PARN: variants seen among roughly 807,000 people sequenced by gnomAD.
The protein encoded by PARN is poly(A)-specific ribonuclease.
In PARN, 71 loss-of-function variants were observed where a neutral mutation model predicts 102.8. The ratio of observed to expected loss-of-function variants is 0.69; its 90% CI spans 0.57 to 0.84. The LOEUF (loss-of-function observed/expected upper bound fraction) is 0.84. Among genes scored for constraint, PARN ranks in the 40% least tolerant of loss-of-function variants. The pLI is 0.00. For synonymous variants in PARN, 261 were observed against 252.9 expected (o/e 1.03, Z -0.30); for missense variants, 782 against 760.9 (o/e 1.03, Z -0.33).
At chr16:14,491,459 T>A (rs1964053386) in intron 21 of PARN, among the ~76,000 whole-genome samples, 1 of 152,024 alleles carries the variant, frequency 6.6e-6, no homozygotes, top group South Asian at 2.1e-4. Flanking sequence ...CAACATATGA[T>A]CATAGGAAGA....
At chr16:14,595,627 G>A (rs1416887669) in intron 12 of PARN, among the ~76,000 whole-genome samples, 1 of 151,886 alleles carries the variant, frequency 6.6e-6, no homozygotes, top group Non-Finnish European at 1.5e-5. Context: ...CTGCCTTCCA[G>A]GTTCAAGAGA....
At chr16:14,524,920 T>C (rs1965917824) in intron 21 of PARN, among the ~76,000 whole-genome samples, 1 of 152,216 alleles carries the variant, frequency 6.6e-6, no homozygotes, top group Non-Finnish European at 1.5e-5. Flanking sequence ...CTCTTTTAAA[T>C]ATTATAGTCC....
In PARN at chr16:14,517,827, C is replaced by T. The variant is rs376040733; in HGVS notation, c.1480+34194G>A. The stretch of plus-strand genomic sequence containing the variant: ...CTGAGTAGCTGGGATTACAGGTGTG[C>T]GCCACCACACCCAGCTAATTTTTTT... On this transcript the variant is annotated intron_variant, in intron 21 of 23. Transcript: ENST00000437198. 5.9e-5 allele frequency among the ~76,000 whole-genome samples: 9 copies of T among 151,984 alleles called. No individual in the cohort carries two copies. In the East Asian group the frequency reaches 1.2e-3, roughly 20 times the overall value.
At position 14,589,656 on chromosome 16, in the gene PARN, A is replaced by T. The variant is rs192466288; in HGVS notation, c.919-3295T>A. ...CCAGGCAGGCGGATCACCTAAGGTC[A>T]GGAATTCGAGACCGGCCTGGCCAAC... is the stretch of plus-strand genomic sequence containing the variant. On this transcript the variant is annotated intron_variant, in intron 13 of 23. Coordinates refer to ENST00000437198, the MANE Select transcript of PARN (RefSeq NM_002582.4). Among the ~76,000 whole-genome samples, 16 of 152,232 alleles carry T rather than the reference A, an allele frequency of 1.1e-4. No homozygotes were observed. The East Asian group carries it at 3.1e-3, about 29-fold the overall frequency.
chr16:14,451,843 T>TAAAAAAAAAAAAAAAAAAAAAAAAA (rs1184998225), intron 22 of PARN, among the ~76,000 whole-genome samples: 2 of 54,618 alleles, frequency 3.7e-5, no homozygotes, highest in African/African-American at 6.5e-5. Context: ...ACCCCGTCTC[T>TAAAAAAAAAAAAAAAAAAAAAAAAA]AAAAAAAAAA....
intron 18 of PARN, among the ~76,000 whole-genome samples, chr16:14,557,111 T>A (rs1166638473): frequency 6.6e-6 from 1 of 152,208 alleles, no homozygotes; most frequent in Admixed American, 6.5e-5. Flanking sequence ...GTGTGTAAGA[T>A]TATTTTAATG....
rs115159919 is a variant in PARN at position 14,588,930 on chromosome 16, A to T, written c.919-2569T>A. 8.3e-3 allele frequency among the ~76,000 whole-genome samples: 1,258 copies of T among 152,084 alleles called. 22 individuals are homozygous for T. The highest frequency in any genetic ancestry group is 0.028 in the African/African-American group (1,180 of 41,466). On this transcript the variant is annotated intron_variant, in intron 13 of 23. Transcript: ENST00000437198. ...CGTGGTGGCTCACACCTGTAATCCC[A>T]GAGCATTGGGAGGCCAAAGCAGGTG...
At chr16:14,535,855 T>C (rs1966585058) in intron 21 of PARN, among the ~76,000 whole-genome samples, 1 of 152,182 alleles carries the variant, frequency 6.6e-6, no homozygotes, top group Non-Finnish European at 1.5e-5. Flanking sequence ...TTTCATACCA[T>C]CTCCAGCTTC....
chr16:14,559,789 C>CT, intron 18 of PARN, among the ~76,000 whole-genome samples: 1 of 152,324 alleles, frequency 6.6e-6, no homozygotes, highest in South Asian at 2.1e-4. Flanking sequence ...CCTATACCTT[C>CT]ACCTTCACAT....
intron 21 of PARN, among the ~76,000 whole-genome samples, chr16:14,551,562 A>G (rs966433727): frequency 6.6e-6 from 1 of 152,098 alleles, no homozygotes; most frequent in Non-Finnish European, 1.5e-5. Flanking sequence ...GAGCGAGACT[A>G]TGTCTCAAAA....
chr16:14,509,104 C>G (rs1338130268), intron 21 of PARN, among the ~76,000 whole-genome samples: 1 of 152,032 alleles, frequency 6.6e-6, no homozygotes, highest in African/African-American at 2.4e-5. Flanking sequence ...AAAGACGCCC[C>G]TTTGCAATGA....
chr16:14,615,196 T>C (rs962553547), intron 6 of PARN, among the ~76,000 whole-genome samples: 1 of 152,008 alleles, frequency 6.6e-6, no homozygotes, highest in Non-Finnish European at 1.5e-5. Context: ...CTTGGTAGTA[T>C]GGATGACCTG....
intron 5 of PARN, among the ~76,000 whole-genome samples, chr16:14,624,865 A>G (rs1326428807): frequency 1.3e-5 from 2 of 152,106 alleles, no homozygotes; most frequent in Non-Finnish European, 1.5e-5. Flanking sequence ...CAGCCTGACC[A>G]ACATGGAAAA....
chr16:14,500,746 GA>G (rs924510113), intron 21 of PARN, among the ~76,000 whole-genome samples: 14 of 150,958 alleles, frequency 9.3e-5, no homozygotes, highest in Non-Finnish European at 1.6e-4. Flanking sequence ...TTTGATGGAG[GA>G]AAAAAAAAGT....
At chr16:14,599,644 G>A (rs974033937) in intron 12 of PARN, among the ~76,000 whole-genome samples, 3 of 151,952 alleles carry the variant, frequency 2.0e-5, no homozygotes, top group African/African-American at 7.3e-5. Flanking sequence ...TTTCCATGTA[G>A]CCATATAAGG....
At chr16:14,453,795 A>C (rs1201712066) in intron 22 of PARN, among the ~76,000 whole-genome samples, 1 of 152,204 alleles carries the variant, frequency 6.6e-6, no homozygotes, top group African/African-American at 2.4e-5. Context: ...TGGCTGGATC[A>C]CAATTTATTC....
At chr16:14,457,619 G>T (rs1454818125) in intron 22 of PARN, among the ~76,000 whole-genome samples, 1 of 151,748 alleles carries the variant, frequency 6.6e-6, no homozygotes. Context: ...CCAACATGGT[G>T]AAACCTCGTC....
intron 21 of PARN, among the ~76,000 whole-genome samples, chr16:14,549,354 CA>C (rs1412794216): frequency 1.3e-5 from 2 of 152,150 alleles, no homozygotes; most frequent in Non-Finnish European, 2.9e-5. Flanking sequence ...TTTATTTCCT[CA>C]TGCTGCAGTG....
At chr16:14,475,654 A>ACTGCT (rs2151589246) in intron 22 of PARN, among the ~76,000 whole-genome samples, 1 of 152,246 alleles carries the variant, frequency 6.6e-6, no homozygotes, top group Non-Finnish European at 1.5e-5. Flanking sequence ...TAGAAGCTCG[A>ACTGCT]CTGCTCTGAC....
Sources: gnomAD v4.1 joint callset for allele counts (sites outside exome capture counted in the v4.1 genomes callset) on GRCh38, gnomAD v4.1.1 for gene constraint, MANE v1.5 for transcripts, NCBI Gene and HGNC (gene_info 2026-07-23, HGNC 2026-07-21) for gene names.